SV2C: variants seen among roughly 807,000 people sequenced by gnomAD.
The protein encoded by SV2C is solute carrier family 22 member B3.
A neutral mutation model predicts 79.7 loss-of-function variants in SV2C; 49 were observed. The ratio of observed to expected loss-of-function variants is 0.61; its 90% CI spans 0.49 to 0.78. SV2C has a LOEUF of 0.78. Ranked by LOEUF, SV2C falls within the 30% of genes least tolerant of loss-of-function variation. The pLI, the probability that SV2C is intolerant of heterozygous loss-of-function variation, is 0.00. For synonymous variants in SV2C, 334 were observed against 333.2 expected (o/e 1.00, Z -0.03); for missense variants, 833 against 912.9 (o/e 0.91, Z 1.13).
chr5:76,344,491 C>T (rs930291216), intron 12 of SV2C, among the ~76,000 whole-genome samples: 12 of 152,102 alleles, frequency 7.9e-5, no homozygotes, highest in African/African-American at 2.9e-4. Context: ...GGCGGATCAC[C>T]GGAGGTCAGG....
chr5:76,004,149 A>T, the SV2C span, among the ~76,000 whole-genome samples: 1 of 152,194 alleles, frequency 6.6e-6, no homozygotes, highest in African/African-American at 2.4e-5. Flanking sequence ...AAATTATGAT[A>T]TCCAATAATT....
At chr5:75,861,271 T>C in the SV2C span, among the ~76,000 whole-genome samples, 2 of 152,088 alleles carry the variant, frequency 1.3e-5, no homozygotes, top group African/African-American at 4.8e-5. Flanking sequence ...AACACTATAA[T>C]ATACTATATC....
intron 10 of SV2C, 129 bp downstream of exon 10, chr5:76,299,056 C>T: frequency 8.7e-7 from 1 of 1,144,130 alleles, no homozygotes; most frequent in Admixed American, 3.0e-5. Context: ...AACAAGTTCT[C>T]TAAATCAGGT....
chr5:76,072,108 T>A, the SV2C span, among the ~76,000 whole-genome samples: 1 of 151,944 alleles, frequency 6.6e-6, no homozygotes, highest in Admixed American at 6.6e-5. Context: ...TTAACTAAAT[T>A]TTAAAAAAAC....
At chr5:76,175,836 T>C (rs888204593) in intron 2 of SV2C, among the ~76,000 whole-genome samples, 1 of 151,980 alleles carries the variant, frequency 6.6e-6, no homozygotes, top group African/African-American at 2.4e-5. Flanking sequence ...GAGAGGTGGA[T>C]TGCAATCAGT....
chr5:75,944,845 G>C, the SV2C span, among the ~76,000 whole-genome samples: 6 of 152,106 alleles, frequency 3.9e-5, no homozygotes, highest in Non-Finnish European at 8.8e-5. Flanking sequence ...GCCAGCCCCA[G>C]CTGTGACACT....
chr5:75,864,307 CCACTCCAT>C, the SV2C span, among the ~76,000 whole-genome samples: 1 of 137,982 alleles, frequency 7.2e-6, no homozygotes, highest in African/African-American at 2.8e-5. Context: ...TTGTCCAGTG[CCACTCCAT>C]CCATCCATCC....
intron 4 of SV2C, among the ~76,000 whole-genome samples, chr5:76,234,683 A>G (rs1180280804): frequency 3.9e-5 from 6 of 152,178 alleles, no homozygotes; most frequent in Non-Finnish European, 7.3e-5. Context: ...AGCATTATAA[A>G]TCATGGTTTC....
At chr5:75,952,809 G>A in the SV2C span, among the ~76,000 whole-genome samples, 1 of 151,826 alleles carries the variant, frequency 6.6e-6, no homozygotes, top group Non-Finnish European at 1.5e-5. Context: ...CCAGCCTCAG[G>A]TATTTCTTTA....
chr5:75,940,664 T>C, the SV2C span, among the ~76,000 whole-genome samples: 2 of 152,036 alleles, frequency 1.3e-5, no homozygotes, highest in African/African-American at 4.8e-5. Flanking sequence ...GCTATTAGAG[T>C]TGACTTGTAC....
chr5:75,910,241 C>T, the SV2C span: 114,033 of 434,744 alleles, frequency 0.26, 19,952 homozygotes, highest in African/African-American at 0.67. Flanking sequence ...CCAGCCTGGG[C>T]AACATGGCGA....
chr5:75,866,707 A>C, the SV2C span, among the ~76,000 whole-genome samples: 1 of 152,218 alleles, frequency 6.6e-6, no homozygotes, highest in East Asian at 1.9e-4. Flanking sequence ...TGAGAGAGAA[A>C]AGATTTTTCT....
the SV2C span, among the ~76,000 whole-genome samples, chr5:76,025,521 T>C: frequency 6.6e-6 from 1 of 152,146 alleles, no homozygotes; most frequent in Non-Finnish European, 1.5e-5. Flanking sequence ...AGAGAGTGGA[T>C]GTAGTAGGAA....
chr5:76,077,514 T>C, the SV2C span, among the ~76,000 whole-genome samples: 1 of 152,190 alleles, frequency 6.6e-6, no homozygotes, highest in South Asian at 2.1e-4. Flanking sequence ...CAGGGGTGTC[T>C]ATGGAAACAA....
the SV2C span, among the ~76,000 whole-genome samples, chr5:75,890,212 G>A: frequency 9.4e-4 from 143 of 152,158 alleles, 1 homozygote; most frequent in South Asian, 2.3e-3. Context: ...CTCCAGGAGC[G>A]TGCCACTGTT....
intron 12 of SV2C, among the ~76,000 whole-genome samples, chr5:76,310,040 T>G (rs938792610): frequency 1.3e-5 from 2 of 149,438 alleles, no homozygotes; most frequent in Non-Finnish European, 3.0e-5. Flanking sequence ...GGTCATTCAC[T>G]ATTTCATTCA....
chr5:75,868,484 C>T, the SV2C span, among the ~76,000 whole-genome samples: 1 of 152,172 alleles, frequency 6.6e-6, no homozygotes, highest in Non-Finnish European at 1.5e-5. Flanking sequence ...GTAAACAATA[C>T]TGGGACCAGA....
chr5:76,328,289 GA>G lies in SV2C; in HGVS notation c.*2746del, dbSNP rs1749068163. On this transcript the variant is annotated 3_prime_UTR_variant, in exon 13 of 13. Transcript: ENST00000502798. The stretch of plus-strand genomic sequence containing the variant: ...GGAAAATGAAAATTTGTACAAAAAT[GA>G]AAACCTAGGAAATAGTCCACTTGCT... 6.6e-6 allele frequency: 1 copy of G among 152,102 alleles called. No individual in the cohort carries two copies. The highest frequency in any genetic ancestry group is 2.1e-4 in the South Asian group (1 of 4,824). 9.4% of individuals were successfully genotyped at this position (152,102 alleles called of 1,614,324 possible). A position where few individuals can be genotyped will look rare whatever the true frequency, so the allele number is the denominator to read the frequency against.
intron 1 of SV2C, among the ~76,000 whole-genome samples, chr5:76,103,678 G>T (rs112892626): frequency 6.6e-6 from 1 of 152,180 alleles, no homozygotes; most frequent in Non-Finnish European, 1.5e-5. Flanking sequence ...GAATGCCTGG[G>T]TGCTGTTAGG....
Sources: allele counts gnomAD v4.1 joint callset (sites outside exome capture counted in the v4.1 genomes callset), GRCh38; gene constraint gnomAD v4.1.1; transcripts MANE v1.5; gene names NCBI Gene and HGNC (gene_info 2026-07-23, HGNC 2026-07-21).